KCNIP1: variants seen among roughly 807,000 people sequenced by gnomAD.
KCNIP1 encodes the protein potassium voltage-gated channel interacting protein 1, also known as A-type potassium channel modulatory protein KCNIP1.
Under a neutral mutation model 33.0 loss-of-function variants are expected in KCNIP1, and 18 were observed. The ratio of observed to expected loss-of-function variants is 0.55; its 90% CI spans 0.38 to 0.81. KCNIP1 has a LOEUF of 0.81. Among genes scored for constraint, KCNIP1 ranks in the 30% least tolerant of loss-of-function variants. The pLI, the probability that KCNIP1 is intolerant of heterozygous loss-of-function variation, is 0.00. For synonymous variants in KCNIP1, 93 were observed against 98.3 expected (o/e 0.95, Z 0.32); for missense variants, 238 against 271.6 (o/e 0.88, Z 0.87).
intron 1 of KCNIP1, among the ~76,000 whole-genome samples, chr5:170,717,548 A>T (rs919403367): frequency 6.6e-6 from 1 of 152,078 alleles, no homozygotes; most frequent in Non-Finnish European, 1.5e-5. Context: ...AACATCCATC[A>T]CCTTTGGGGA....
chr5:170,536,686 C>T (rs921584406), intron 1 of KCNIP1, among the ~76,000 whole-genome samples: 2 of 152,198 alleles, frequency 1.3e-5, no homozygotes, highest in Non-Finnish European at 2.9e-5. Flanking sequence ...AGCGGAGCTA[C>T]CCTGGGCTGC....
chr5:170,580,753 C>T (rs541003886), intron 1 of KCNIP1, among the ~76,000 whole-genome samples: 29 of 152,288 alleles, frequency 1.9e-4, no homozygotes, highest in Non-Finnish European at 2.6e-4. Flanking sequence ...AAGCCAATTT[C>T]ATATACATGA....
intron 1 of KCNIP1, among the ~76,000 whole-genome samples, chr5:170,421,565 G>T (rs906690830): frequency 2.6e-5 from 4 of 152,098 alleles, no homozygotes; most frequent in Admixed American, 6.5e-5. Context: ...TCTTCTTGCT[G>T]TGTCTTCACC....
At chr5:170,409,652 G>A (rs1303932519) in intron 1 of KCNIP1, among the ~76,000 whole-genome samples, 1 of 152,124 alleles carries the variant, frequency 6.6e-6, no homozygotes, top group Non-Finnish European at 1.5e-5. Flanking sequence ...GACAAGGGGG[G>A]CCCAGCCTGT....
At chr5:170,600,604 T>C (rs574074401) in intron 1 of KCNIP1, among the ~76,000 whole-genome samples, 1 of 152,150 alleles carries the variant, frequency 6.6e-6, no homozygotes, top group Non-Finnish European at 1.5e-5. Flanking sequence ...TCACATTACA[T>C]TGAAACTGAT....
At chr5:170,424,875 G>A (rs538654361) in intron 1 of KCNIP1, among the ~76,000 whole-genome samples, 12 of 152,178 alleles carry the variant, frequency 7.9e-5, no homozygotes, top group Non-Finnish European at 1.6e-4. Context: ...TTGCTCATTC[G>A]TTCCTACCCC....
intron 1 of KCNIP1, among the ~76,000 whole-genome samples, chr5:170,542,998 GTTCTTCA>G (rs1756270072): frequency 6.6e-6 from 1 of 152,174 alleles, no homozygotes; most frequent in African/African-American, 2.4e-5. Flanking sequence ...GTGAGGGCCA[GTTCTTCA>G]TAGATGGTGC....
chr5:170,707,216 T>C (rs538408319), intron 1 of KCNIP1, among the ~76,000 whole-genome samples: 1 of 151,230 alleles, frequency 6.6e-6, no homozygotes, highest in South Asian at 2.1e-4. Context: ...AAAGGTCCAC[T>C]TAAAACATCC....
chr5:170,654,337 A>G (rs1300997691), intron 1 of KCNIP1, among the ~76,000 whole-genome samples: 1 of 152,184 alleles, frequency 6.6e-6, no homozygotes, highest in Non-Finnish European at 1.5e-5. Context: ...AAGCGGTAAA[A>G]TGCAACCAAA....
At chr5:170,539,924 G>A (rs1756132885) in intron 1 of KCNIP1, among the ~76,000 whole-genome samples, 1 of 152,160 alleles carries the variant, frequency 6.6e-6, no homozygotes, top group Non-Finnish European at 1.5e-5. Context: ...TAAGAACTCA[G>A]GGTAAATAAA....
At chr5:170,516,890 C>T (rs1031939475) in intron 1 of KCNIP1, among the ~76,000 whole-genome samples, 7 of 152,022 alleles carry the variant, frequency 4.6e-5, no homozygotes, top group African/African-American at 7.3e-5. Flanking sequence ...GCAGTGCATA[C>T]GTGGTGGGGA....
chr5:170,397,850 T>C (rs995105522), intron 1 of KCNIP1, among the ~76,000 whole-genome samples: 5 of 152,170 alleles, frequency 3.3e-5, no homozygotes, highest in Non-Finnish European at 7.4e-5. Context: ...ATTTAAGAGA[T>C]GGCTTGGTTC....
At chr5:170,492,924 A>G (rs1419998848) in intron 1 of KCNIP1, among the ~76,000 whole-genome samples, 1 of 151,956 alleles carries the variant, frequency 6.6e-6, no homozygotes, top group East Asian at 1.9e-4. Context: ...TAATTTTTGT[A>G]TTTTTAGTAG....
chr5:170,497,232 G>A (rs1442462491), intron 1 of KCNIP1, among the ~76,000 whole-genome samples: 1 of 152,144 alleles, frequency 6.6e-6, no homozygotes, highest in Non-Finnish European at 1.5e-5. Flanking sequence ...TTAATGACCT[G>A]CCTTTTTCAT....
At chr5:170,455,184 A>T (rs548493851) in intron 1 of KCNIP1, among the ~76,000 whole-genome samples, 13 of 152,308 alleles carry the variant, frequency 8.5e-5, no homozygotes, top group Non-Finnish European at 1.8e-4. Flanking sequence ...TCAACAAGAA[A>T]ATAGAATATT....
intron 1 of KCNIP1, among the ~76,000 whole-genome samples, chr5:170,429,095 A>C (rs901675103): frequency 2.6e-5 from 4 of 152,122 alleles, no homozygotes; most frequent in African/African-American, 9.7e-5. Context: ...TGTCTCAAAA[A>C]ACAACAAACA....
intron 1 of KCNIP1, among the ~76,000 whole-genome samples, chr5:170,550,473 GATGATGGTGATGACA>G (rs973210897): frequency 6.6e-6 from 1 of 152,076 alleles, no homozygotes; most frequent in Non-Finnish European, 1.5e-5. Flanking sequence ...TGATGGTGAT[GATGATGGTGATGACA>G]ATGATGGTGA....
chr5:170,538,146 A>G (rs1405078566), intron 1 of KCNIP1, among the ~76,000 whole-genome samples: 2 of 152,226 alleles, frequency 1.3e-5, no homozygotes, highest in Non-Finnish European at 2.9e-5. Flanking sequence ...AGCTAAGCCT[A>G]GAGCCCTTAA....
At chr5:170,559,189 T>C (rs1348434271) in intron 1 of KCNIP1, among the ~76,000 whole-genome samples, 1 of 152,144 alleles carries the variant, frequency 6.6e-6, no homozygotes, top group Non-Finnish European at 1.5e-5. Context: ...CCACCTAAAC[T>C]CCTCTAGAAA....
Sources: allele counts gnomAD v4.1 joint callset (sites outside exome capture counted in the v4.1 genomes callset), GRCh38; gene constraint gnomAD v4.1.1; transcripts MANE v1.5; gene names NCBI Gene and HGNC (gene_info 2026-07-23, HGNC 2026-07-21).